Variants in ARID1B observed in about 807,000 individuals in gnomAD.
The protein encoded by ARID1B is AT-rich interactive domain-containing protein 1B.
In ARID1B, 30 loss-of-function variants were observed where a neutral mutation model predicts 212.3. The observed-to-expected ratio is 0.14, with a 90% CI of 0.11 to 0.19. The LOEUF is 0.19. Among genes scored for constraint, ARID1B ranks in the 10% least tolerant of loss-of-function variants. ARID1B has a pLI of 1.00. For missense variants in ARID1B, 2,891 were observed against 3,204.0 expected, an observed-to-expected ratio of 0.90 and a Z score of 2.36; for synonymous variants, 1,402 against 1,301.7, an observed-to-expected ratio of 1.08 and a Z score of -1.66.
At chr6:156,854,033 C>T (rs930560601) in intron 2 of ARID1B, among the ~76,000 whole-genome samples, 5 of 152,052 alleles carry the variant, frequency 3.3e-5, no homozygotes, top group African/African-American at 1.2e-4. Context: ...TGTGCCCAGC[C>T]CTCCATAAAT....
chr6:157,165,554 TAA>T (rs71841654), intron 8 of ARID1B, among the ~76,000 whole-genome samples: 5 of 149,064 alleles, frequency 3.4e-5, no homozygotes, highest in African/African-American at 1.2e-4. Context: ...ACAGTATATT[TAA>T]AAAAAAAAAT....
chr6:157,039,751 TCCTTCCTA>T (rs1362837855), intron 4 of ARID1B, among the ~76,000 whole-genome samples: 1 of 127,440 alleles, frequency 7.8e-6, no homozygotes, highest in Non-Finnish European at 1.6e-5. Context: ...CTCCCTTCCT[TCCTTCCTA>T]CCTTCCTACC....
At chr6:156,863,131 C>T (rs558502617) in intron 2 of ARID1B, among the ~76,000 whole-genome samples, 1 of 152,256 alleles carries the variant, frequency 6.6e-6, no homozygotes, top group Non-Finnish European at 1.5e-5. Flanking sequence ...TGTTAGGTCA[C>T]TTTTTAACCT....
chr6:157,021,453 C>A lies in ARID1B; in HGVS notation c.2248-63209C>A, dbSNP rs1011461531. ...GGGACCGAGTCACACAGCAGCCCGGCGGCCTCTGCCGGCAGGCCCCGCTCG... is the reference window on the plus strand; with the variant it reads ...GGGACCGAGTCACACAGCAGCCCGGAGGCCTCTGCCGGCAGGCCCCGCTCG... On this transcript the variant is annotated intron_variant, in intron 4 of 19. Coordinates refer to ENST00000636930, the MANE Select transcript of ARID1B (RefSeq NM_001374828.1). 9.2e-5 allele frequency among the ~76,000 whole-genome samples: 14 copies of A among 152,310 alleles called. No homozygotes were observed. The East Asian group carries it at 2.1e-3, about 23-fold the overall frequency.
At chr6:157,047,918 G>A (rs1782346004) in intron 4 of ARID1B, among the ~76,000 whole-genome samples, 1 of 152,154 alleles carries the variant, frequency 6.6e-6, no homozygotes, top group Non-Finnish European at 1.5e-5. Flanking sequence ...AAATTCCTTT[G>A]CATGCAGTTA....
At chr6:156,903,574 T>C (rs1789122273) in intron 3 of ARID1B, among the ~76,000 whole-genome samples, 1 of 152,178 alleles carries the variant, frequency 6.6e-6, no homozygotes, top group African/African-American at 2.4e-5. Flanking sequence ...GGAGATAGAT[T>C]TGGAAAGTTT....
intron 4 of ARID1B, among the ~76,000 whole-genome samples, chr6:157,074,939 T>G (rs1206111933): frequency 2.6e-5 from 4 of 152,226 alleles, no homozygotes; most frequent in Admixed American, 2.0e-4. Context: ...ATTCAAGTCC[T>G]TATTGATACT....
intron 2 of ARID1B, among the ~76,000 whole-genome samples, chr6:156,883,126 G>A (rs184103926): frequency 3.3e-5 from 5 of 152,306 alleles, no homozygotes; most frequent in East Asian, 3.9e-4. Flanking sequence ...TCCCCATACC[G>A]ACAGCATCTT....
At chr6:157,174,325 A>T in intron 10 of ARID1B, 1 of 497,100 alleles carries the variant, frequency 2.0e-6, no homozygotes, top group Non-Finnish European at 3.6e-6. Flanking sequence ...TATGGCATTA[A>T]CTCACGGTTG....
At chr6:157,072,477 G>C (rs528040116) in intron 4 of ARID1B, 37 of 152,228 alleles carry the variant, frequency 2.4e-4, no homozygotes, top group African/African-American at 7.9e-4. Context: ...GTATAAATAA[G>C]CCTGCATGCT....
chr6:157,179,146 T>C (rs1029567867), intron 11 of ARID1B, among the ~76,000 whole-genome samples: 1 of 152,160 alleles, frequency 6.6e-6, no homozygotes, highest in Non-Finnish European at 1.5e-5. Context: ...TTTGAAAACG[T>C]TGGACCCATT....
Position 157,196,193 on chromosome 6 carries a change from G to A in ARID1B, c.4260G>A (p.Thr1420=), listed in dbSNP as rs374823620. 1.9e-5 allele frequency: 31 copies of A among 1,613,176 alleles called. No individual in the cohort carries two copies. Among genetic ancestry groups the A allele is most frequent in the African/African-American group, 4.0e-5 (3 of 74,844 alleles). Residue 1420 remains threonine, a synonymous_variant, in exon 16 of 20, where the codon ACG becomes ACA. Transcript: ENST00000636930. ...CTGGAAGCAGCGAGCCCTTTATGAC[G>A]CAAGGACAGATGCCCAACAGCAGCA... is the stretch of plus-strand genomic sequence containing the variant. ...KVPGSSEPFM[T]QGQMPNSSMQ...
At chr6:157,077,873 TTAGA>T (rs1359459676) in intron 4 of ARID1B, among the ~76,000 whole-genome samples, 3 of 152,158 alleles carry the variant, frequency 2.0e-5, no homozygotes, top group East Asian at 3.9e-4. Context: ...ACTACAAAAC[TTAGA>T]TAGGGCTTGC....
intron 4 of ARID1B, among the ~76,000 whole-genome samples, chr6:156,952,304 A>G (rs893504215): frequency 1.3e-5 from 2 of 152,226 alleles, no homozygotes; most frequent in African/African-American, 4.8e-5. Context: ...CATGCCACTA[A>G]TAGCTTAATA....
intron 4 of ARID1B, among the ~76,000 whole-genome samples, chr6:157,009,166 A>G (rs1460974934): frequency 6.6e-6 from 1 of 151,906 alleles, no homozygotes; most frequent in Non-Finnish European, 1.5e-5. Context: ...AGTAGTGCTC[A>G]CAGTCATTTG....
intron 13 of ARID1B, chr6:157,184,955 A>G (rs9383823): frequency 0.079 from 13,027 of 165,708 alleles, 1,458 homozygotes; most frequent in African/African-American, 0.25. Flanking sequence ...AGGGAATTTA[A>G]CAAGCTGTCG....
At chr6:156,794,570 C>CTT (rs34848808) in intron 1 of ARID1B, among the ~76,000 whole-genome samples, 19 of 67,972 alleles carry the variant, frequency 2.8e-4, no homozygotes, top group Non-Finnish European at 3.3e-4. Context: ...CTGGCACATT[C>CTT]TTTTTTTTTT....
chr6:157,057,579 A>G (rs944365089), intron 4 of ARID1B, among the ~76,000 whole-genome samples: 1 of 152,160 alleles, frequency 6.6e-6, no homozygotes, highest in Non-Finnish European at 1.5e-5. Context: ...GTGAGCCACC[A>G]TGCTTGGCAC....
chr6:157,110,984 ACCC>A (rs1786867509), intron 6 of ARID1B: 1 of 175,634 alleles, frequency 5.7e-6, no homozygotes, highest in African/African-American at 2.3e-5. Context: ...AAGATTTTAA[ACCC>A]AGAGCAAGAC....
Sources: gnomAD v4.1 joint callset for allele counts (sites outside exome capture counted in the v4.1 genomes callset) on GRCh38, gnomAD v4.1.1 for gene constraint, MANE v1.5 for transcripts, NCBI Gene and HGNC (gene_info 2026-07-23, HGNC 2026-07-21) for gene names.